CACNB2: variants seen among roughly 807,000 people sequenced by gnomAD.
CACNB2 encodes the protein voltage-dependent L-type calcium channel subunit beta-2.
In CACNB2, 42 loss-of-function variants were observed where a neutral mutation model predicts 73.3. The ratio of observed to expected loss-of-function variants is 0.57; its 90% confidence interval spans 0.45 to 0.74. The LOEUF (loss-of-function observed/expected upper bound fraction) is 0.74, where lower values mean the gene tolerates loss of function less well. Among genes scored for constraint, CACNB2 ranks in the 30% least tolerant of loss-of-function variants. The probability of loss-of-function intolerance (pLI) is 0.00; values close to 1 mark genes in which losing one functional copy is unlikely to be tolerated. For missense variants in CACNB2, 940 were observed against 853.0 expected (o/e 1.10, Z -1.27); for synonymous variants, 348 against 310.3 (o/e 1.12, Z -1.28).
chr10:18,403,730 A>G (rs2044131330), intron 3 of CACNB2, among the ~76,000 whole-genome samples: 1 of 152,208 alleles, frequency 6.6e-6, no homozygotes, highest in Non-Finnish European at 1.5e-5. Flanking sequence ...CAGCCTAAAA[A>G]GATGATAGTT....
chr10:18,492,728 C>T, intron 3 of CACNB2, among the ~76,000 whole-genome samples: 2 of 151,776 alleles, frequency 1.3e-5, no homozygotes. Context: ...GAATCTATAT[C>T]ACAGAAAAGC....
intron 2 of CACNB2, among the ~76,000 whole-genome samples, chr10:18,374,112 G>A (rs1289929138): frequency 6.6e-6 from 1 of 152,212 alleles, no homozygotes; most frequent in African/African-American, 2.4e-5. Context: ...AGTGATTAAA[G>A]ACATAAAGTA....
intron 3 of CACNB2, among the ~76,000 whole-genome samples, chr10:18,471,303 T>C (rs1467114473): frequency 6.6e-6 from 1 of 152,060 alleles, no homozygotes; most frequent in Non-Finnish European, 1.5e-5. Context: ...TGAAACTCCA[T>C]CTCAGAAAGA....
chr10:18,441,005 C>A (rs1303888473), intron 3 of CACNB2, among the ~76,000 whole-genome samples: 1 of 152,178 alleles, frequency 6.6e-6, no homozygotes, highest in East Asian at 1.9e-4. Context: ...ACACTGATTG[C>A]TTTGTGGGGA....
At chr10:18,278,704 G>T (rs2038405230) in intron 2 of CACNB2, among the ~76,000 whole-genome samples, 1 of 151,950 alleles carries the variant, frequency 6.6e-6, no homozygotes, top group African/African-American at 2.4e-5. Flanking sequence ...TGGGCCAATT[G>T]CTCCCTGAAA....
intron 3 of CACNB2, among the ~76,000 whole-genome samples, chr10:18,492,263 A>C (rs2049481227): frequency 6.6e-6 from 1 of 152,190 alleles, no homozygotes; most frequent in Admixed American, 6.5e-5. Flanking sequence ...ACAATTCGAC[A>C]TGAGTCTGGC....
At chr10:18,150,545 C>A (rs577334804) in intron 1 of CACNB2, among the ~76,000 whole-genome samples, 79 of 152,294 alleles carry the variant, frequency 5.2e-4, no homozygotes, top group African/African-American at 1.8e-3. Flanking sequence ...TGCTTGTAAT[C>A]CCAGCTATGC....
intron 3 of CACNB2, among the ~76,000 whole-genome samples, chr10:18,472,362 G>C (rs964068064): frequency 6.6e-6 from 1 of 150,792 alleles, no homozygotes; most frequent in Non-Finnish European, 1.5e-5. Flanking sequence ...TCAGCCTCTC[G>C]AGTAGCTGGG....
intron 12 of CACNB2, 79 bp downstream of exon 12, chr10:18,536,275 G>GTTTTTTT (rs2053587888): frequency 0.014 from 1,306 of 92,438 alleles, 320 homozygotes; most frequent in African/African-American, 0.087. Context: ...TTTTTTTTTG[G>GTTTTTTT]GGGACAAGGT....
intron 3 of CACNB2, among the ~76,000 whole-genome samples, chr10:18,409,979 T>C (rs1481435716): frequency 6.6e-6 from 1 of 152,138 alleles, no homozygotes; most frequent in Non-Finnish European, 1.5e-5. Context: ...ACCTTTGGTC[T>C]TCTGGAAGTG....
chr10:18,399,382 C>T (rs569125519), intron 2 of CACNB2, among the ~76,000 whole-genome samples: 1 of 152,276 alleles, frequency 6.6e-6, no homozygotes, highest in South Asian at 2.1e-4. Context: ...CACATCATAA[C>T]AATAGGTGAT....
chr10:18,463,006 C>A (rs1187763519), intron 3 of CACNB2, among the ~76,000 whole-genome samples: 1 of 152,166 alleles, frequency 6.6e-6, no homozygotes, highest in African/African-American at 2.4e-5. Context: ...GTCCACCCAA[C>A]TTGGCCTTCC....
At chr10:18,207,567 T>C (rs890756687) in intron 2 of CACNB2, among the ~76,000 whole-genome samples, 4 of 152,242 alleles carry the variant, frequency 2.6e-5, no homozygotes, top group African/African-American at 7.2e-5. Flanking sequence ...TTACAAAATA[T>C]ATTGAAGTTT....
chr10:18,237,538 C>A (rs751423385), intron 2 of CACNB2, among the ~76,000 whole-genome samples: 5 of 152,198 alleles, frequency 3.3e-5, no homozygotes, highest in Non-Finnish European at 5.9e-5. Flanking sequence ...GCCTTGCCAA[C>A]ACCTTGATTT....
At chr10:18,380,390 A>C (rs1369901908) in intron 2 of CACNB2, among the ~76,000 whole-genome samples, 1 of 152,070 alleles carries the variant, frequency 6.6e-6, no homozygotes, top group Non-Finnish European at 1.5e-5. Flanking sequence ...CTATTTTAAG[A>C]ATAAATTCTT....
intron 3 of CACNB2, among the ~76,000 whole-genome samples, chr10:18,445,836 C>A (rs897316871): frequency 6.6e-6 from 1 of 152,162 alleles, no homozygotes; most frequent in African/African-American, 2.4e-5. Context: ...AAGTTTGAGA[C>A]CAGCCTGGTC....
chr10:18,212,330 T>C (rs1346449928), intron 2 of CACNB2, among the ~76,000 whole-genome samples: 1 of 150,660 alleles, frequency 6.6e-6, no homozygotes, highest in Non-Finnish European at 1.5e-5. Context: ...TCTGCTTTTA[T>C]ACCTTGACTT....
At chr10:18,301,455 C>T (rs1588982365) in intron 2 of CACNB2, among the ~76,000 whole-genome samples, 2 of 151,764 alleles carry the variant, frequency 1.3e-5, no homozygotes, top group South Asian at 4.2e-4. Context: ...ATTAGCGGGA[C>T]ATGGTGGCAC....
At chr10:18,172,436 ACT>A (rs1451462637) in intron 2 of CACNB2, among the ~76,000 whole-genome samples, 3 of 152,080 alleles carry the variant, frequency 2.0e-5, no homozygotes, top group African/African-American at 7.2e-5. Context: ...TTGAATCTTC[ACT>A]GTTTCCCTGA....
Sources: gnomAD v4.1 joint callset for allele counts (sites outside exome capture counted in the v4.1 genomes callset) on GRCh38, gnomAD v4.1.1 for gene constraint, MANE v1.5 for transcripts, NCBI Gene and HGNC (gene_info 2026-07-23, HGNC 2026-07-21) for gene names.